The following ZFP2 variants were observed in gnomAD, a reference collection of about 807,000 sequenced individuals.
The protein encoded by ZFP2 is ZFP2 zinc finger protein, also known as zinc finger protein ZFP2.
ZFP2 carries 33 observed loss-of-function variants against 36.1 expected under a neutral mutation model. The observed-to-expected ratio is 0.92, with a 90% CI of 0.69 to 1.22. The LOEUF is 1.22. Among genes scored for constraint, ZFP2 ranks in the 50% most tolerant of loss-of-function variants. The probability of loss-of-function intolerance (pLI) is 0.00; values close to 1 mark genes in which losing one functional copy is unlikely to be tolerated. For synonymous variants in ZFP2, 170 were observed against 178.0 expected, an observed-to-expected ratio of 0.96 and a Z score of 0.36; for missense variants, 522 against 551.4, an observed-to-expected ratio of 0.95 and a Z score of 0.53.
Position 178,916,626 on chromosome 5 carries a change from G to A in ZFP2, c.-162G>A, listed in dbSNP as rs911645851. On this transcript the variant is annotated 5_prime_UTR_variant, in exon 4 of 5. Coordinates refer to ENST00000361362, the MANE Select transcript of ZFP2 (RefSeq NM_030613.4). The stretch of plus-strand genomic sequence containing the variant: ...TTAGTCCTCTCATTATCCTGTCCCA[G>A]TCAAGGGGAGAAAGTATTGACTGAG... The A allele has an allele frequency of 5.4e-5, 52 of 963,628 alleles. No individual in the cohort carries two copies. The highest frequency in any genetic ancestry group is 8.5e-6 in the Non-Finnish European group (7 of 821,024). The allele number at this position is 963,628 out of a possible 1,614,324, so 59.7% of individuals were successfully genotyped here. A position where few individuals can be genotyped will look rare whatever the true frequency, so the allele number is the denominator to read the frequency against.
At position 178,922,448 on chromosome 5, in the gene ZFP2, T is replaced by C. The variant is rs909896835; in HGVS notation, c.-78+5738T>C. The C allele has an allele frequency of 1.0e-5, 14 of 1,380,290 alleles. 1 individual carries two copies. The highest frequency in any genetic ancestry group is 2.8e-5 in the African/African-American group (2 of 71,928). 85.5% of individuals were successfully genotyped at this position (1,380,290 alleles called of 1,614,324 possible). ...TACTTTTACTATTGTGCCTTACTTA[T>C]GTTTGTTAGGACCAAACCTCAAAGC... is the stretch of plus-strand genomic sequence containing the variant. On this transcript the variant is annotated intron_variant, in intron 4 of 4. Transcript: ENST00000361362.
At chr5:178,930,105 T>G (rs1167553901) in intron 4 of ZFP2, among the ~76,000 whole-genome samples, 1 of 151,726 alleles carries the variant, frequency 6.6e-6, no homozygotes, top group East Asian at 1.9e-4. Flanking sequence ...CCAAGGGGGA[T>G]GGTGTTAAAC....
chr5:178,914,726 G>A (rs913933544), intron 3 of ZFP2, among the ~76,000 whole-genome samples: 49 of 152,190 alleles, frequency 3.2e-4, no homozygotes, highest in African/African-American at 1.1e-3. Context: ...TGATAGGTGC[G>A]GTGTGGAAAA....
rs572225181 is a variant in ZFP2 at position 178,897,082 on chromosome 5, GC to G, written c.-450+1109del. On this transcript the variant is annotated intron_variant, in intron 1 of 4. Transcript: ENST00000361362. ...TATTATAAACAGTATAGGCCATCTG[GC>G]TACATACATCTTTGCATTTTGTCTT... 1.9e-3 allele frequency among the ~76,000 whole-genome samples: 283 copies of G among 150,946 alleles called. 2 individuals carry two copies. The highest frequency in any genetic ancestry group is 3.4e-3 in the Non-Finnish European group (230 of 67,800).
chr5:178,896,481 T>C (rs1211811821), intron 1 of ZFP2, among the ~76,000 whole-genome samples: 1 of 152,166 alleles, frequency 6.6e-6, no homozygotes, highest in Non-Finnish European at 1.5e-5. Context: ...CATCTGCCCT[T>C]TGTGTAAACC....
rs114069107 is a variant in ZFP2, at chr5:178,916,349, C to T, written c.-223-216C>T. On this transcript the variant is annotated intron_variant, in intron 3 of 4. Coordinates refer to ENST00000361362, the MANE Select transcript of ZFP2 (RefSeq NM_030613.4). ...GTGAAGACTTTTAAGTACAGACTGT[C>T]GTTTCAACAAGGCCAGCTTCTAAGG... 3.1e-3 allele frequency among the ~76,000 whole-genome samples: 472 copies of T among 152,204 alleles called. 5 individuals are homozygous for T. Among genetic ancestry groups the T allele is most frequent in the African/African-American group, 0.01 (435 of 41,520 alleles).
At chr5:178,909,849 C>T in intron 1 of ZFP2, 1 of 1,587,148 alleles carries the variant, frequency 6.3e-7, no homozygotes, top group Non-Finnish European at 8.6e-7. Flanking sequence ...ACTGTGGTTG[C>T]TGAGGTCAGG....
chr5:178,910,840 C>T (rs1028979637), intron 1 of ZFP2, among the ~76,000 whole-genome samples: 6 of 152,188 alleles, frequency 3.9e-5, no homozygotes, highest in African/African-American at 1.4e-4. Context: ...CCTTCTTCCA[C>T]CACTGCCACC....
At chr5:178,908,404 G>A (rs562922891) in intron 1 of ZFP2, among the ~76,000 whole-genome samples, 582 of 150,512 alleles carry the variant, frequency 3.9e-3, no homozygotes, top group Admixed American at 8.9e-3. Flanking sequence ...CCGAGATTGC[G>A]CCACTGCACT....
At chr5:178,920,636 C>CAAA (rs373794810) in intron 4 of ZFP2, among the ~76,000 whole-genome samples, 1 of 118,480 alleles carries the variant, frequency 8.4e-6, no homozygotes. Flanking sequence ...GACTTCGTCT[C>CAAA]AAAAAAAAAA....
chr5:178,897,052 T>TC (rs1757960747), intron 1 of ZFP2, among the ~76,000 whole-genome samples: 1 of 151,874 alleles, frequency 6.6e-6, no homozygotes, highest in African/African-American at 2.4e-5. Flanking sequence ...CTTTTTTTTT[T>TC]TCAGTATTAT....
chr5:178,932,588 T>TA lies in ZFP2; in HGVS notation c.1276dup (p.Thr426AsnfsTer16). 6.2e-7 allele frequency: 1 copy of TA among 1,613,824 alleles called. No homozygotes were observed. The highest frequency in any genetic ancestry group is 8.5e-7 in the Non-Finnish European group (1 of 1,179,938). On this transcript the variant is annotated frameshift_variant, in exon 5 of 5. Coordinates refer to ENST00000361362, the MANE Select transcript of ZFP2 (RefSeq NM_030613.4). LOFTEE classifies it high-confidence loss of function. ...AAGCCTTCATTAAGAATTCATCCCT[T>TA]ACAGTGCATCAGAGAACTCATACAG...
rs767362442 is a variant in ZFP2, at chr5:178,903,834, T to TA, written c.-450+7861dup. 6.1e-4 allele frequency among the ~76,000 whole-genome samples: 92 copies of TA among 151,946 alleles called. 1 individual carries two copies. The highest frequency in any genetic ancestry group is 1.2e-3 in the Admixed American group (19 of 15,266). On this transcript the variant is annotated intron_variant, in intron 1 of 4. Transcript: ENST00000361362. ...AATACAAAATTACAAAATACAAAAA[T>TA]ACAAAAATTAGCTGGGCATGGTGGC... is the stretch of plus-strand genomic sequence containing the variant.
At chr5:178,919,010 T>C (rs942343827) in intron 4 of ZFP2, among the ~76,000 whole-genome samples, 15 of 152,124 alleles carry the variant, frequency 9.9e-5, no homozygotes, top group Admixed American at 8.5e-4. Flanking sequence ...CTGGGAAAAA[T>C]TAAAAATTTC....
In ZFP2 at chr5:178,912,500, G is replaced by T. The variant is rs150591632; in HGVS notation, c.-449-84G>T. The T allele has an allele frequency of 3.3e-3, 726 of 219,468 alleles. 6 individuals carry two copies. The highest frequency in any genetic ancestry group is 0.016 in the African/African-American group (686 of 42,740). The allele number at this position is 219,468 out of a possible 1,614,324, so 13.6% of individuals were successfully genotyped here. Reference sequence around the variant, plus strand: ...GGAGGGCAGCATGTTTTCTCAGGCAGATCTTTGTCCTTTCAGTGCTGCTGG... The same window carrying T: ...GGAGGGCAGCATGTTTTCTCAGGCATATCTTTGTCCTTTCAGTGCTGCTGG... On this transcript the variant is annotated intron_variant, in intron 1 of 4. Transcript: ENST00000361362.
At chr5:178,925,987 C>T (rs1758660959) in intron 4 of ZFP2, among the ~76,000 whole-genome samples, 1 of 148,786 alleles carries the variant, frequency 6.7e-6, no homozygotes, top group African/African-American at 2.4e-5. Context: ...GCTGAGACCA[C>T]ATGTGTGCGC....
chr5:178,915,922 G>A (rs993931051), intron 3 of ZFP2, among the ~76,000 whole-genome samples: 1 of 152,138 alleles, frequency 6.6e-6, no homozygotes, highest in Non-Finnish European at 1.5e-5. Context: ...AATATTTGTT[G>A]AGTGAATATT....
At chr5:178,909,895 A>T in intron 1 of ZFP2, 1 of 1,552,956 alleles carries the variant, frequency 6.4e-7, no homozygotes, top group Non-Finnish European at 8.9e-7. Context: ...AACATGTTCC[A>T]AGAGTCCCGG....
intron 1 of ZFP2, among the ~76,000 whole-genome samples, chr5:178,897,011 C>G (rs1188365540): frequency 6.6e-6 from 1 of 150,652 alleles, no homozygotes; most frequent in African/African-American, 2.4e-5. Flanking sequence ...GAATCCTCTC[C>G]TTAGGTTTTT....
Sources: allele counts gnomAD v4.1 joint callset (sites outside exome capture counted in the v4.1 genomes callset), GRCh38; gene constraint gnomAD v4.1.1; transcripts MANE v1.5; gene names NCBI Gene and HGNC (gene_info 2026-07-23, HGNC 2026-07-21).